Variants in CNTNAP2 observed in about 807,000 individuals in gnomAD.
CNTNAP2 encodes the protein contactin-associated protein-like 2.
Under a neutral mutation model 155.2 loss-of-function variants are expected in CNTNAP2, and 98 were observed. The ratio of observed to expected loss-of-function variants is 0.63; its 90% CI spans 0.54 to 0.75. The LOEUF is 0.75. Among genes scored for constraint, CNTNAP2 ranks in the 30% least tolerant of loss-of-function variants. The probability of loss-of-function intolerance (pLI) is 0.00; values close to 1 mark genes in which losing one functional copy is unlikely to be tolerated. For missense variants in CNTNAP2, 1,727 were observed against 1,688.1 expected (o/e 1.02, Z -0.40); for synonymous variants, 651 against 631.2 (o/e 1.03, Z -0.47).
At chr7:147,707,267 T>A (rs981514584) in intron 13 of CNTNAP2, among the ~76,000 whole-genome samples, 1 of 152,230 alleles carries the variant, frequency 6.6e-6, no homozygotes, top group Non-Finnish European at 1.5e-5. Context: ...TGAATTTGCT[T>A]TCCTAAGGAA....
intron 13 of CNTNAP2, among the ~76,000 whole-genome samples, chr7:147,837,047 G>C (rs1187842753): frequency 1.3e-5 from 2 of 152,176 alleles, no homozygotes; most frequent in African/African-American, 4.8e-5. Flanking sequence ...TTCATGGATA[G>C]GTGAATTTGC....
chr7:146,553,688 A>G (rs1474392794), intron 1 of CNTNAP2, among the ~76,000 whole-genome samples: 1 of 152,164 alleles, frequency 6.6e-6, no homozygotes, highest in Non-Finnish European at 1.5e-5. Context: ...TTATACAAAG[A>G]TTACTATGCA....
intron 1 of CNTNAP2, among the ~76,000 whole-genome samples, chr7:146,524,514 A>G (rs1404924509): frequency 6.6e-6 from 1 of 152,120 alleles, no homozygotes. Context: ...CCAGTTGACC[A>G]CGATTGTATC....
chr7:146,868,641 C>A (rs550073971), intron 3 of CNTNAP2, among the ~76,000 whole-genome samples: 8 of 152,248 alleles, frequency 5.3e-5, no homozygotes, highest in African/African-American at 1.9e-4. Flanking sequence ...TTCTTCCTAT[C>A]CATGAGCATG....
chr7:147,069,618 A>G (rs1394845266), intron 4 of CNTNAP2, among the ~76,000 whole-genome samples: 1 of 152,220 alleles, frequency 6.6e-6, no homozygotes, highest in Non-Finnish European at 1.5e-5. Context: ...AATGGAATTA[A>G]AGCTTTACGT....
intron 1 of CNTNAP2, among the ~76,000 whole-genome samples, chr7:146,551,544 G>A (rs988701190): frequency 1.3e-5 from 2 of 151,778 alleles, no homozygotes; most frequent in Non-Finnish European, 1.5e-5. Flanking sequence ...ATCATTGTTG[G>A]ACATTTGGGT....
intron 21 of CNTNAP2, among the ~76,000 whole-genome samples, chr7:148,267,745 C>T (rs1456892517): frequency 1.3e-5 from 2 of 151,486 alleles, no homozygotes; most frequent in Non-Finnish European, 2.9e-5. Flanking sequence ...ATGGAACAAA[C>T]GTTGTTTGGT....
chr7:146,683,037 C>A (rs1034333788), intron 1 of CNTNAP2, among the ~76,000 whole-genome samples: 1 of 149,720 alleles, frequency 6.7e-6, no homozygotes. Context: ...TATATAAAGT[C>A]TTTTTCTTTT....
At chr7:147,083,522 TTA>T (rs756158066) in intron 4 of CNTNAP2, among the ~76,000 whole-genome samples, 1,467 of 117,828 alleles carry the variant, frequency 0.012, 82 homozygotes, top group Admixed American at 0.095. Flanking sequence ...AAACATCATT[TTA>T]TATATATATA....
chr7:146,790,478 G>A (rs576388508), intron 2 of CNTNAP2, among the ~76,000 whole-genome samples: 1 of 152,168 alleles, frequency 6.6e-6, no homozygotes, highest in Non-Finnish European at 1.5e-5. Flanking sequence ...GAGGAAATAT[G>A]CAGGTGCCCC....
intron 3 of CNTNAP2, among the ~76,000 whole-genome samples, chr7:146,883,547 T>G (rs16883251): frequency 0.011 from 1,613 of 152,286 alleles, 29 homozygotes; most frequent in African/African-American, 0.036. Flanking sequence ...CTTAGAAATT[T>G]AGGACAACGA....
At chr7:148,004,032 G>T (rs935479131) in intron 15 of CNTNAP2, among the ~76,000 whole-genome samples, 2 of 152,184 alleles carry the variant, frequency 1.3e-5, no homozygotes, top group African/African-American at 4.8e-5. Flanking sequence ...CATTCAATAA[G>T]AGGTTACATC....
chr7:147,901,784 C>A (rs1020114856), intron 13 of CNTNAP2, among the ~76,000 whole-genome samples: 3 of 152,126 alleles, frequency 2.0e-5, no homozygotes, highest in African/African-American at 7.2e-5. Context: ...CAATCTGTAT[C>A]TTTTTCTTCC....
At chr7:147,438,537 GC>G (rs1298556500) in intron 10 of CNTNAP2, among the ~76,000 whole-genome samples, 2 of 151,722 alleles carry the variant, frequency 1.3e-5, no homozygotes, top group Admixed American at 1.3e-4. Flanking sequence ...AGTGATATTG[GC>G]CTGTAGTTTT....
At chr7:148,333,439 A>T (rs2116566915) in intron 21 of CNTNAP2, among the ~76,000 whole-genome samples, 1 of 143,068 alleles carries the variant, frequency 7.0e-6, no homozygotes, top group East Asian at 2.0e-4. Flanking sequence ...GAAAGGAAAA[A>T]AAAAACACTC....
At chr7:146,321,259 G>A (rs957565803) in intron 1 of CNTNAP2, among the ~76,000 whole-genome samples, 1 of 152,146 alleles carries the variant, frequency 6.6e-6, no homozygotes, top group Admixed American at 6.5e-5. Flanking sequence ...TTTCCTTTGA[G>A]TATTTTTATT....
intron 8 of CNTNAP2, among the ~76,000 whole-genome samples, chr7:147,217,471 T>C (rs1803300542): frequency 6.6e-6 from 1 of 152,050 alleles, no homozygotes; most frequent in African/African-American, 2.4e-5. Flanking sequence ...TTTTTAAATA[T>C]TGAACCAGTC....
intron 10 of CNTNAP2, among the ~76,000 whole-genome samples, chr7:147,461,449 T>A (rs868050905): frequency 1.1e-4 from 17 of 152,188 alleles, no homozygotes; most frequent in Admixed American, 2.0e-4. Context: ...AATCAGACGA[T>A]TTTTATGTAA....
chr7:147,226,010 A>T (rs1803535258), intron 8 of CNTNAP2, among the ~76,000 whole-genome samples: 1 of 152,088 alleles, frequency 6.6e-6, no homozygotes, highest in Non-Finnish European at 1.5e-5. Context: ...AAAGAATGAA[A>T]GAAAGAAAGA....
Sources: allele counts gnomAD v4.1 joint callset (sites outside exome capture counted in the v4.1 genomes callset), GRCh38; gene constraint gnomAD v4.1.1; transcripts MANE v1.5; gene names NCBI Gene and HGNC (gene_info 2026-07-23, HGNC 2026-07-21).